Variants in ZMIZ1 observed in about 807,000 individuals in gnomAD.
ZMIZ1 encodes the protein zinc finger MIZ-type containing 1, also known as zinc finger MIZ domain-containing protein 1.
In ZMIZ1, 17 loss-of-function variants were observed where a neutral mutation model predicts 113.9. The observed-to-expected ratio is 0.15, with a 90% confidence interval of 0.10 to 0.22. The LOEUF is 0.22. Ranked by LOEUF, ZMIZ1 falls within the 10% of genes least tolerant of loss-of-function variation. The probability of loss-of-function intolerance (pLI) is 1.00; values close to 1 mark genes in which losing one functional copy is unlikely to be tolerated. For missense variants in ZMIZ1, 1,059 were observed against 1,477.8 expected, an observed-to-expected ratio of 0.72 and a Z score of 4.65; for synonymous variants, 607 against 603.1, an observed-to-expected ratio of 1.01 and a Z score of -0.09.
chr10:79,128,700 G>T (rs1844624365), intron 2 of ZMIZ1, among the ~76,000 whole-genome samples: 1 of 152,180 alleles, frequency 6.6e-6, no homozygotes, highest in South Asian at 2.1e-4. Context: ...TGAAAACAGG[G>T]TATGCTTGCC....
intron 8 of ZMIZ1, among the ~76,000 whole-genome samples, chr10:79,288,439 AAGAC>A (rs1302957357): frequency 6.6e-6 from 1 of 152,104 alleles, no homozygotes; most frequent in Non-Finnish European, 1.5e-5. Context: ...TCCTGTGACT[AAGAC>A]AGACACAAGC....
At position 79,201,568 on chromosome 10, in the gene ZMIZ1, T is replaced by A. The variant is rs1423402334; in HGVS notation, c.-49-16T>A. 19 of 1,590,242 alleles carry A rather than the reference T, an allele frequency of 1.2e-5. No homozygotes were observed. Among genetic ancestry groups the A allele is most frequent in the Non-Finnish European group, 9.5e-6 (11 of 1,162,920 alleles). On this transcript the variant is annotated splice_polypyrimidine_tract_variant and intron_variant, in intron 4 of 24. Coordinates refer to ENST00000334512, the MANE Select transcript of ZMIZ1 (RefSeq NM_020338.4). ...CCTGGCGTGATCCAGTGACAACCTC[T>A]CCTTTCTCTTCGCAGGCTGGACAAC... is the stretch of plus-strand genomic sequence containing the variant.
intron 7 of ZMIZ1, among the ~76,000 whole-genome samples, chr10:79,242,342 C>G: frequency 6.6e-6 from 1 of 152,064 alleles, no homozygotes; most frequent in East Asian, 1.9e-4. Flanking sequence ...CTCCTGGTCA[C>G]AGGAACTCCC....
At chr10:79,275,377 G>C (rs969571503) in intron 7 of ZMIZ1, among the ~76,000 whole-genome samples, 1 of 151,940 alleles carries the variant, frequency 6.6e-6, no homozygotes, top group Admixed American at 6.6e-5. Flanking sequence ...CCCCCTCCTG[G>C]AGGGAGAAAC....
intron 5 of ZMIZ1, among the ~76,000 whole-genome samples, 159 bp downstream of exon 5, chr10:79,201,851 T>C (rs1589417047): frequency 6.6e-6 from 1 of 152,186 alleles, no homozygotes; most frequent in South Asian, 2.1e-4. Context: ...AGCCTAATGC[T>C]GGAATCACAT....
rs192451824 is a variant in ZMIZ1, at chr10:79,283,510, C to G, written c.425+6185C>G. ...TCTTAAGTGCTTATTCATGGCCAAA[C>G]AAGAAAGAAGGGGGCAATCAAAACC... On this transcript the variant is annotated intron_variant, in intron 8 of 24. Transcript: ENST00000334512. 9.2e-5 allele frequency among the ~76,000 whole-genome samples: 14 copies of G among 152,290 alleles called. No homozygotes were observed. The East Asian group carries it at 2.7e-3, about 29-fold the overall frequency.
At chr10:79,263,409 G>T (rs886772040) in intron 7 of ZMIZ1, among the ~76,000 whole-genome samples, 1 of 152,188 alleles carries the variant, frequency 6.6e-6, no homozygotes, top group Non-Finnish European at 1.5e-5. Flanking sequence ...AGGTGAGATG[G>T]TAGAGTCTGG....
rs1406825409 is a variant in ZMIZ1, at chr10:79,311,129, T to C, written c.3041T>C (p.Leu1014Ser). 3.1e-6 allele frequency: 5 copies of C among 1,613,628 alleles called. No homozygotes were observed. Among genetic ancestry groups the C allele is most frequent in the Non-Finnish European group, 4.2e-6 (5 of 1,179,978 alleles). Residue 1014 changes from leucine to serine, a missense_variant, in exon 24 of 25, where the codon TTA (leucine) becomes TCA (serine). Physicochemically the swap from Leu to Ser is moderately radical, Grantham distance 145 (BLOSUM62 -2). Coordinates refer to ENST00000334512, the MANE Select transcript of ZMIZ1 (RefSeq NM_020338.4). The part of the protein sequence containing the change: ...SDLTFNPSSA[L>S]EGQAGAQGAS... Reference sequence around the variant, plus strand: ...CTGACCTTTAACCCCTCCTCAGCCTTAGAGGGTCAGGCCGGAGCGCAGGGA... The same window carrying C: ...CTGACCTTTAACCCCTCCTCAGCCTCAGAGGGTCAGGCCGGAGCGCAGGGA...
At chr10:79,177,096 C>T (rs1846902927) in intron 4 of ZMIZ1, among the ~76,000 whole-genome samples, 1 of 152,254 alleles carries the variant, frequency 6.6e-6, no homozygotes, top group African/African-American at 2.4e-5. Context: ...CCCCAGACAG[C>T]CGGGCCAGTG....
At chr10:79,105,770 A>G (rs1843532238) in intron 1 of ZMIZ1, among the ~76,000 whole-genome samples, 1 of 152,266 alleles carries the variant, frequency 6.6e-6, no homozygotes, top group Non-Finnish European at 1.5e-5. Context: ...GTTCTTTTAA[A>G]AATAAAAGTA....
At chr10:79,072,677 C>T (rs1296549324) in intron 1 of ZMIZ1, among the ~76,000 whole-genome samples, 1 of 152,194 alleles carries the variant, frequency 6.6e-6, no homozygotes, top group Non-Finnish European at 1.5e-5. Context: ...GGAAGCAGGG[C>T]CTGCTGGTTC....
intron 4 of ZMIZ1, among the ~76,000 whole-genome samples, chr10:79,187,123 T>C (rs1847381273): frequency 6.6e-6 from 1 of 152,206 alleles, no homozygotes; most frequent in Admixed American, 6.5e-5. Flanking sequence ...CTTACTCTTT[T>C]TGTTTAATCC....
chr10:79,144,472 G>A (rs564158804), intron 3 of ZMIZ1, among the ~76,000 whole-genome samples: 5 of 152,252 alleles, frequency 3.3e-5, no homozygotes, highest in South Asian at 4.2e-4. Flanking sequence ...AGCAAGTCAA[G>A]GACAGCACTG....
At chr10:79,113,806 A>AG in intron 1 of ZMIZ1, among the ~76,000 whole-genome samples, 1 of 151,150 alleles carries the variant, frequency 6.6e-6, no homozygotes, top group Admixed American at 6.6e-5. Flanking sequence ...CTCTCCATTG[A>AG]TGGCTCCTAT....
chr10:79,259,226 G>C (rs564232492), intron 7 of ZMIZ1, among the ~76,000 whole-genome samples: 1 of 152,120 alleles, frequency 6.6e-6, no homozygotes, highest in Admixed American at 6.5e-5. Flanking sequence ...TTATCTCTGC[G>C]TGGGGCAGGG....
At chr10:79,290,679 C>T (rs1187060329) in intron 9 of ZMIZ1, 7 of 643,468 alleles carry the variant, frequency 1.1e-5, no homozygotes, top group Admixed American at 6.3e-5. Flanking sequence ...GGCTGCGCAG[C>T]CCCTGGGGAC....
intron 4 of ZMIZ1, among the ~76,000 whole-genome samples, chr10:79,174,107 G>A (rs753186533): frequency 6.6e-6 from 1 of 152,210 alleles, no homozygotes; most frequent in Non-Finnish European, 1.5e-5. Flanking sequence ...TGCATCGTGG[G>A]TGCATTCCTC....
chr10:79,090,410 ATACT>A (rs1842950660), intron 1 of ZMIZ1, among the ~76,000 whole-genome samples: 1 of 152,156 alleles, frequency 6.6e-6, no homozygotes, highest in Non-Finnish European at 1.5e-5. Context: ...AAGAGGAGAC[ATACT>A]TGGAGGGAGA....
chr10:79,257,906 G>C lies in ZMIZ1; in HGVS notation c.281-19275G>C, dbSNP rs1851021572. On this transcript the variant is annotated intron_variant, in intron 7 of 24. Coordinates refer to ENST00000334512, the MANE Select transcript of ZMIZ1 (RefSeq NM_020338.4). The stretch of plus-strand genomic sequence containing the variant: ...CCTACATCCTTGGTCTCAGAACCCA[G>C]AGGGAAGGGACCTCGCTTTTGTTGA... Among the ~76,000 whole-genome samples, 3 of 152,244 alleles carry C rather than the reference G, an allele frequency of 2.0e-5. No homozygotes were observed. The South Asian group carries it at 6.2e-4, about 32-fold the overall frequency.
Sources: gnomAD v4.1 joint callset for allele counts (sites outside exome capture counted in the v4.1 genomes callset) on GRCh38, gnomAD v4.1.1 for gene constraint, MANE v1.5 for transcripts, NCBI Gene and HGNC (gene_info 2026-07-23, HGNC 2026-07-21) for gene names.